Variants in C12orf42 observed in about 807,000 individuals in gnomAD.
C12orf42 encodes the protein chromosome 12 open reading frame 42.
C12orf42 carries 25 observed loss-of-function variants against 21.6 expected under a neutral mutation model. That is an observed-to-expected ratio of 1.16 (90% confidence interval 0.84 to 1.62). The LOEUF (loss-of-function observed/expected upper bound fraction) is 1.62, where lower values mean the gene tolerates loss of function less well. Among genes scored for constraint, C12orf42 ranks in the 40% most tolerant of loss-of-function variants. The pLI is 0.00. For synonymous variants in C12orf42, 174 were observed against 175.0 expected, an observed-to-expected ratio of 0.99 and a Z score of 0.05; for missense variants, 483 against 459.3, an observed-to-expected ratio of 1.05 and a Z score of -0.47.
chr12:103,559,037 G>A, the C12orf42 span: 1 of 152,218 alleles, frequency 6.6e-6, no homozygotes, highest in East Asian at 1.9e-4. Context: ...ATGACCCTGG[G>A]AAAAGAGCTC....
rs140313220 is a variant in C12orf42, at chr12:103,384,711, C to T, written c.148-15713G>A. On this transcript the variant is annotated intron_variant, in intron 3 of 5. Coordinates refer to ENST00000548883, the MANE Select transcript of C12orf42 (RefSeq NM_198521.5). Reference sequence around the variant, plus strand: ...CATCCAATCAAGTCAAGGAATTACACAGTTATCCCAGAGCTAGAACATGCA... The same window carrying T: ...CATCCAATCAAGTCAAGGAATTACATAGTTATCCCAGAGCTAGAACATGCA... 1.5e-3 allele frequency among the ~76,000 whole-genome samples: 229 copies of T among 152,298 alleles called. 2 individuals carry two copies. The highest frequency in any genetic ancestry group is 5.2e-3 in the African/African-American group (216 of 41,570).
chr12:103,445,730 A>C lies in C12orf42; in HGVS notation c.78+32619T>G, dbSNP rs1951536900. Among the ~76,000 whole-genome samples the C allele has an allele frequency of 1.3e-5, 2 of 152,082 alleles. 1 individual carries two copies. Among genetic ancestry groups the C allele is most frequent in the African/African-American group, 4.8e-5 (2 of 41,394 alleles). ...TATTTTGTTTTCCTTATGATGCTTA[A>C]ACGAATGGAATCAATTCTTTAAGTA... On this transcript the variant is annotated intron_variant, in intron 2 of 5. Transcript: ENST00000548883.
chr12:103,064,074 G>C, the C12orf42 span, among the ~76,000 whole-genome samples: 3 of 152,176 alleles, frequency 2.0e-5, no homozygotes, highest in Non-Finnish European at 2.9e-5. Context: ...GGATCCAAAG[G>C]CTTAGGGAGA....
chr12:103,277,981 C>T (rs1047569333), intron 4 of C12orf42, among the ~76,000 whole-genome samples: 9 of 151,980 alleles, frequency 5.9e-5, no homozygotes, highest in Non-Finnish European at 1.2e-4. Flanking sequence ...AAGAATAAAT[C>T]ACATTCATGG....
chr12:103,147,623 C>CTTTTTTTTTTTTTTTTTTT, the C12orf42 span, among the ~76,000 whole-genome samples: 2 of 99,314 alleles, frequency 2.0e-5, no homozygotes, highest in Non-Finnish European at 3.7e-5. Context: ...TTCTCTCTCT[C>CTTTTTTTTTTTTTTTTTTT]TTTTTTTTTT....
intron 4 of C12orf42, among the ~76,000 whole-genome samples, chr12:103,366,287 A>G (rs1217901595): frequency 6.6e-6 from 1 of 152,014 alleles, no homozygotes. Context: ...CTGGATCCTC[A>G]TCTCTCACAT....
chr12:103,489,147 T>C (rs1267240631), intron 1 of C12orf42, among the ~76,000 whole-genome samples: 1 of 151,120 alleles, frequency 6.6e-6, no homozygotes, highest in Admixed American at 6.6e-5. Context: ...GATGTCCTTT[T>C]TGTTGATGTT....
chr12:103,071,930 A>T, the C12orf42 span, among the ~76,000 whole-genome samples: 4 of 152,130 alleles, frequency 2.6e-5, no homozygotes, highest in African/African-American at 9.7e-5. Flanking sequence ...ATGTGTCATG[A>T]TCCATCCCAG....
the C12orf42 span, among the ~76,000 whole-genome samples, chr12:103,068,126 TC>T: frequency 6.6e-6 from 1 of 152,312 alleles, no homozygotes; most frequent in Non-Finnish European, 1.5e-5. Context: ...AAGGTAGTCA[TC>T]AATACCAGCT....
the C12orf42 span, among the ~76,000 whole-genome samples, chr12:103,147,359 A>C: frequency 6.6e-6 from 1 of 152,170 alleles, no homozygotes; most frequent in African/African-American, 2.4e-5. Context: ...AAAATGAAGA[A>C]AGGTACTTTG....
the C12orf42 span, among the ~76,000 whole-genome samples, chr12:103,178,908 GTGAAA>G: frequency 1.3e-5 from 2 of 152,184 alleles, no homozygotes; most frequent in Non-Finnish European, 2.9e-5. Flanking sequence ...CACAAGTCCT[GTGAAA>G]TGACTCGCCG....
At chr12:103,279,891 T>C (rs898601085) in intron 4 of C12orf42, among the ~76,000 whole-genome samples, 4 of 152,166 alleles carry the variant, frequency 2.6e-5, no homozygotes, top group Admixed American at 6.5e-5. Flanking sequence ...TTCATGGTGC[T>C]CTGTTTAGGC....
the C12orf42 span, among the ~76,000 whole-genome samples, chr12:103,061,780 G>A: frequency 7.9e-5 from 12 of 151,164 alleles, no homozygotes; most frequent in Non-Finnish European, 1.5e-4. Context: ...CTCTTATAAG[G>A]CACACACAGT....
At chr12:103,227,314 G>T in the C12orf42 span, among the ~76,000 whole-genome samples, 1 of 151,834 alleles carries the variant, frequency 6.6e-6, no homozygotes, top group African/African-American at 2.4e-5. Flanking sequence ...GATATAAGAG[G>T]TTGGGGCACG....
chr12:103,428,947 T>A (rs1018705832), intron 2 of C12orf42, among the ~76,000 whole-genome samples: 1 of 152,154 alleles, frequency 6.6e-6, no homozygotes, highest in African/African-American at 2.4e-5. Flanking sequence ...GTCAATAAAC[T>A]AGGTATTGAT....
At chr12:103,099,389 A>C in the C12orf42 span, among the ~76,000 whole-genome samples, 1 of 152,228 alleles carries the variant, frequency 6.6e-6, no homozygotes, top group Non-Finnish European at 1.5e-5. Flanking sequence ...TTGTCTAGCA[A>C]GGGATACAGA....
At chr12:103,245,860 C>A (rs568219943) in intron 10 of C12orf42, among the ~76,000 whole-genome samples, 3 of 152,048 alleles carry the variant, frequency 2.0e-5, no homozygotes, top group African/African-American at 7.2e-5. Context: ...CTTGCCCAAA[C>A]CAAGCCCATT....
the C12orf42 span, among the ~76,000 whole-genome samples, chr12:103,120,931 C>T: frequency 2.6e-5 from 4 of 151,944 alleles, no homozygotes; most frequent in Non-Finnish European, 5.9e-5. Context: ...AAGTAATTTA[C>T]ATCAAAAACC....
At chr12:103,170,030 A>G in the C12orf42 span, among the ~76,000 whole-genome samples, 1 of 152,152 alleles carries the variant, frequency 6.6e-6, no homozygotes, top group African/African-American at 2.4e-5. Flanking sequence ...AAAAAATTGG[A>G]AAGTCAAGAA....
Sources: gnomAD v4.1 joint callset for allele counts (sites outside exome capture counted in the v4.1 genomes callset) on GRCh38, gnomAD v4.1.1 for gene constraint, MANE v1.5 for transcripts, NCBI Gene and HGNC (gene_info 2026-07-23, HGNC 2026-07-21) for gene names.